TSHZ2: variants seen among roughly 807,000 people sequenced by gnomAD.
The protein encoded by TSHZ2 is teashirt zinc finger homeobox 2, also known as teashirt homolog 2.
TSHZ2 carries 21 observed loss-of-function variants against 74.4 expected under a neutral mutation model. That is an observed-to-expected ratio of 0.28 (90% CI 0.20 to 0.41). TSHZ2 has a LOEUF of 0.41. Ranked by LOEUF, TSHZ2 falls within the 10% of genes least tolerant of loss-of-function variation. The pLI is 1.00. For missense variants in TSHZ2, 1,244 were observed against 1,293.5 expected (o/e 0.96, Z 0.59); for synonymous variants, 540 against 515.3 (o/e 1.05, Z -0.65).
chr20:53,069,224 A>G (rs1307964850), intron 1 of TSHZ2, among the ~76,000 whole-genome samples: 12 of 152,200 alleles, frequency 7.9e-5, no homozygotes, highest in East Asian at 1.9e-4. Context: ...GTGTTATCTC[A>G]TAGTTCACCT....
intron 2 of TSHZ2, among the ~76,000 whole-genome samples, chr20:53,340,306 C>T (rs1040980180): frequency 6.6e-5 from 10 of 151,134 alleles, no homozygotes; most frequent in Non-Finnish European, 1.0e-4. Context: ...CCTCAGCCTC[C>T]GAGTAGCTGG....
rs1986484967 is a variant in TSHZ2, at chr20:53,492,860, ACT to A, written c.*5726_*5727del. On this transcript the variant is annotated 3_prime_UTR_variant, in exon 3 of 3. Coordinates refer to ENST00000371497, the MANE Select transcript of TSHZ2 (RefSeq NM_173485.6). ...CATTCATCCTTGCTCTAAAGTGTTT[ACT>A]TGCCAGCAAAGAAAGGCAAACACAT... 2 of 152,240 alleles carry A rather than the reference ACT, an allele frequency of 1.3e-5. No homozygotes were observed. The highest frequency in any genetic ancestry group is 1.3e-4 in the Admixed American group (2 of 15,282). 9.4% of individuals were successfully genotyped at this position (152,240 alleles called of 1,614,324 possible).
At chr20:53,165,442 C>T (rs1988043396) in intron 1 of TSHZ2, among the ~76,000 whole-genome samples, 1 of 152,202 alleles carries the variant, frequency 6.6e-6, no homozygotes, top group Admixed American at 6.5e-5. Context: ...CACCTTGTCA[C>T]ATTGTCGTGG....
intron 1 of TSHZ2, among the ~76,000 whole-genome samples, chr20:53,182,166 C>CTTTCTTCCTTCCT (rs1555833712): frequency 6.9e-5 from 6 of 87,202 alleles, no homozygotes; most frequent in African/African-American, 2.3e-4. Flanking sequence ...TCTTCCTTTT[C>CTTTCTTCCTTCCT]TTTCTTTCTT....
intron 1 of TSHZ2, among the ~76,000 whole-genome samples, chr20:52,991,347 C>T: frequency 8.1e-6 from 1 of 123,718 alleles, no homozygotes. Flanking sequence ...AGTGTGAAAG[C>T]TTTTCTGATG....
chr20:53,128,643 A>T (rs181086586), intron 1 of TSHZ2, among the ~76,000 whole-genome samples: 34 of 151,064 alleles, frequency 2.3e-4, no homozygotes, highest in African/African-American at 8.0e-4. Flanking sequence ...TTTTTTTTAG[A>T]TGGAGTCTCG....
chr20:53,291,525 T>C (rs1209854624), intron 2 of TSHZ2, among the ~76,000 whole-genome samples: 2 of 143,270 alleles, frequency 1.4e-5, no homozygotes, highest in Non-Finnish European at 3.1e-5. Context: ...CAGTTAGGAT[T>C]CTCAATTACA....
intron 2 of TSHZ2, among the ~76,000 whole-genome samples, chr20:53,343,725 A>G (rs571857375): frequency 1.3e-5 from 2 of 152,162 alleles, no homozygotes; most frequent in Non-Finnish European, 2.9e-5. Context: ...CCCATCCAGT[A>G]GCTCTCGCCA....
chr20:53,022,049 G>A (rs2085098268), intron 1 of TSHZ2, among the ~76,000 whole-genome samples: 3 of 152,126 alleles, frequency 2.0e-5, no homozygotes, highest in Non-Finnish European at 4.4e-5. Context: ...TAATGAAGGA[G>A]CAGATCAGTT....
chr20:53,252,373 T>C (rs1990352070), intron 1 of TSHZ2, among the ~76,000 whole-genome samples: 1 of 152,178 alleles, frequency 6.6e-6, no homozygotes, highest in African/African-American at 2.4e-5. Context: ...ATAAAGAAAA[T>C]ATTGCATTAA....
At chr20:53,062,764 T>C (rs927278977) in intron 1 of TSHZ2, among the ~76,000 whole-genome samples, 2 of 152,222 alleles carry the variant, frequency 1.3e-5, no homozygotes, top group Admixed American at 1.3e-4. Context: ...TTTATTTTAT[T>C]CAAAAACTCT....
intron 2 of TSHZ2, among the ~76,000 whole-genome samples, chr20:53,386,585 T>C (rs1333724948): frequency 6.6e-6 from 1 of 152,216 alleles, no homozygotes; most frequent in Non-Finnish European, 1.5e-5. Context: ...TGAATAAATG[T>C]TTCACTGCTG....
intron 2 of TSHZ2, among the ~76,000 whole-genome samples, chr20:53,420,302 C>A (rs1178461884): frequency 2.0e-5 from 3 of 152,112 alleles, no homozygotes; most frequent in African/African-American, 7.2e-5. Context: ...GCCGGGCATG[C>A]AGATATCTAG....
At chr20:53,206,243 T>C (rs192406737) in intron 1 of TSHZ2, among the ~76,000 whole-genome samples, 66 of 150,796 alleles carry the variant, frequency 4.4e-4, no homozygotes, top group Middle Eastern at 3.4e-3. Context: ...AAAATAATAA[T>C]AAATAAAGAC....
At chr20:52,973,995 G>A (rs6013586) in intron 1 of TSHZ2, among the ~76,000 whole-genome samples, 14,691 of 152,184 alleles carry the variant, frequency 0.097, 861 homozygotes, top group African/African-American at 0.15. Flanking sequence ...AAACAGCTCT[G>A]GATTTTCTTT....
intron 1 of TSHZ2, among the ~76,000 whole-genome samples, chr20:53,183,123 C>G (rs560422679): frequency 2.2e-4 from 34 of 152,162 alleles, no homozygotes; most frequent in Admixed American, 6.5e-5. Flanking sequence ...AAGGACCCTT[C>G]CCCTGGCTGG....
intron 2 of TSHZ2, among the ~76,000 whole-genome samples, chr20:53,351,890 C>T (rs1172600874): frequency 6.6e-6 from 1 of 152,178 alleles, no homozygotes; most frequent in Non-Finnish European, 1.5e-5. Context: ...GAAAAGTTTC[C>T]TCATACCTTG....
intron 1 of TSHZ2, among the ~76,000 whole-genome samples, chr20:53,146,023 G>T (rs953433691): frequency 6.6e-6 from 1 of 152,162 alleles, no homozygotes; most frequent in African/African-American, 2.4e-5. Flanking sequence ...GGAAAGGGTG[G>T]ATCCAGGCAC....
chr20:53,458,938 C>T (rs372721745), intron 2 of TSHZ2, among the ~76,000 whole-genome samples: 13 of 152,088 alleles, frequency 8.5e-5, no homozygotes, highest in African/African-American at 2.7e-4. Flanking sequence ...TAGTTTGTTA[C>T]AATTTCTGTT....
Sources: gnomAD v4.1 joint callset for allele counts (sites outside exome capture counted in the v4.1 genomes callset) on GRCh38, gnomAD v4.1.1 for gene constraint, MANE v1.5 for transcripts, NCBI Gene and HGNC (gene_info 2026-07-23, HGNC 2026-07-21) for gene names.